DNAH14: variants seen among roughly 807,000 people sequenced by gnomAD.
DNAH14 encodes axonemal beta dynein heavy chain 14.
In DNAH14, 478 loss-of-function variants were observed where a neutral mutation model predicts 520.9. That is an observed-to-expected ratio of 0.92 (90% CI 0.85 to 0.99). The LOEUF (loss-of-function observed/expected upper bound fraction) is 0.99. DNAH14 is among the 50% of genes least tolerant of loss of function. The pLI is 0.00. For missense variants in DNAH14, 4,831 were observed against 5,234.5 expected (o/e 0.92, Z 2.38); for synonymous variants, 1,581 against 1,757.2 (o/e 0.90, Z 2.51).
intron 35 of DNAH14, among the ~76,000 whole-genome samples, chr1:225,162,994 G>T (rs1042153649): frequency 1.3e-5 from 2 of 151,542 alleles, no homozygotes; most frequent in African/African-American, 2.4e-5. Context: ...AAAAATTAGC[G>T]GGGCGTGGTG....
chr1:224,937,689 G>GA (rs1405520021), intron 1 of DNAH14, among the ~76,000 whole-genome samples: 1 of 151,984 alleles, frequency 6.6e-6, no homozygotes, highest in Admixed American at 6.6e-5. Flanking sequence ...CACAGAAATA[G>GA]AAAAAACACT....
In DNAH14 at chr1:225,206,001, G is replaced by A; in HGVS notation, c.6008G>A (p.Gly2003Asp). Reference sequence around the variant, plus strand: ...GATTGGCAGTGGATTATCCTAGATGGCCCAGTGGACACCTTTTGGGTAGAA... The same window carrying A: ...GATTGGCAGTGGATTATCCTAGATGACCCAGTGGACACCTTTTGGGTAGAA... Reference protein sequence around the residue: ...NFDWQWIILDGPVDTFWVENL... With the variant: ...NFDWQWIILDDPVDTFWVENL... The change falls in exon 40 of 86, where the codon GGC (glycine) becomes GAC (aspartate). Residue 2003 changes from glycine (G) to aspartate (D), a missense_variant. Physicochemically the swap from Gly to Asp is moderately conservative, Grantham distance 94. Coordinates refer to ENST00000682510, the MANE Select transcript of DNAH14 (RefSeq NM_001367479.1). 2 of 1,551,534 alleles carry A rather than the reference G, an allele frequency of 1.3e-6. No homozygotes were observed. Among genetic ancestry groups the A allele is most frequent in the Non-Finnish European group, 1.7e-6 (2 of 1,146,806 alleles).
At chr1:225,192,289 T>G (rs1441796549) in intron 37 of DNAH14, among the ~76,000 whole-genome samples, 1 of 152,116 alleles carries the variant, frequency 6.6e-6, no homozygotes, top group South Asian at 2.1e-4. Flanking sequence ...GACCAGATAT[T>G]CTGGCAAGAC....
chr1:225,003,175 C>T (rs1181156471), intron 9 of DNAH14, among the ~76,000 whole-genome samples: 4 of 151,878 alleles, frequency 2.6e-5, no homozygotes, highest in African/African-American at 9.7e-5. Context: ...AAATGTATTT[C>T]CGAATGTGTA....
At chr1:225,327,669 A>G (rs12070789) in intron 64 of DNAH14, among the ~76,000 whole-genome samples, 26 of 152,188 alleles carry the variant, frequency 1.7e-4, no homozygotes, top group African/African-American at 5.5e-4. Flanking sequence ...GAACTAAACA[A>G]CAAAGAACGA....
At chr1:225,303,886 A>G (rs1227246600) in intron 57 of DNAH14, among the ~76,000 whole-genome samples, 2 of 152,202 alleles carry the variant, frequency 1.3e-5, no homozygotes, top group African/African-American at 2.4e-5. Context: ...CTGTAAATGC[A>G]TAGAGAACTG....
chr1:225,353,558 C>T (rs1286980346), intron 72 of DNAH14, among the ~76,000 whole-genome samples: 1 of 152,068 alleles, frequency 6.6e-6, no homozygotes, highest in Non-Finnish European at 1.5e-5. Flanking sequence ...TATTACTATT[C>T]ATTCACCACT....
At chr1:224,929,656 G>A (rs2058543362), upstream of DNAH14, 1 of 702,344 alleles carries the variant, frequency 1.4e-6, no homozygotes, top group African/African-American at 1.7e-5. Flanking sequence ...TCTTCGCCAG[G>A]GCGCAGGCGT....
At chr1:224,945,192 CTTT>C (rs1182843777) in intron 1 of DNAH14, among the ~76,000 whole-genome samples, 1 of 152,066 alleles carries the variant, frequency 6.6e-6, no homozygotes, top group Non-Finnish European at 1.5e-5. Context: ...TTGTTCATTT[CTTT>C]TTATTTTTTT....
At position 225,340,701 on chromosome 1, in the gene DNAH14, G is replaced by C. The variant is rs1256276800; in HGVS notation, c.10678G>C (p.Gly3560Arg). 6.5e-7 allele frequency: 1 copy of C among 1,550,332 alleles called. No homozygotes were observed. The highest frequency in any genetic ancestry group is 1.4e-5 in the African/African-American group (1 of 72,958). Residue 3560 changes from glycine to arginine, a missense_variant and splice_region_variant, in exon 69 of 86, where the codon GGA (glycine) becomes CGA (arginine). Gly to Arg is a moderately radical substitution (Grantham distance 125). Transcript: ENST00000682510. Reference protein sequence around the residue: ...KTLNLLQKALGSILDDDKIVD... With the variant: ...KTLNLLQKALRSILDDDKIVD... The stretch of plus-strand genomic sequence containing the variant: ...ATTAAATTTACTGCAGAAAGCACTA[G>C]GTAAGTCAAGATATTTAGTGATAGT...
chr1:225,052,460 G>T (rs2068630587), intron 17 of DNAH14, among the ~76,000 whole-genome samples: 1 of 152,030 alleles, frequency 6.6e-6, no homozygotes, highest in Admixed American at 6.6e-5. Flanking sequence ...CCTGTTTAAG[G>T]GTACGAACTT....
chr1:224,962,204 C>G (rs1329003081), intron 4 of DNAH14, among the ~76,000 whole-genome samples: 2 of 152,110 alleles, frequency 1.3e-5, no homozygotes, highest in Admixed American at 6.6e-5. Context: ...ATTGCCTCCC[C>G]CTAAGTGGAA....
intron 38 of DNAH14, among the ~76,000 whole-genome samples, chr1:225,194,675 C>A (rs1351491628): frequency 1.3e-5 from 2 of 151,788 alleles, no homozygotes. Flanking sequence ...ATAATTGGGA[C>A]CTAATTAAAG....
chr1:225,218,539 C>A (rs1390411025), intron 41 of DNAH14, among the ~76,000 whole-genome samples: 4 of 149,694 alleles, frequency 2.7e-5, no homozygotes, highest in African/African-American at 4.9e-5. Context: ...AGACTTTTAA[C>A]CAACAAAGCT....
intron 7 of DNAH14, chr1:224,969,636 A>T (rs772760845): frequency 2.2e-5 from 6 of 266,760 alleles, no homozygotes; most frequent in Non-Finnish European, 4.1e-5. Flanking sequence ...TGTTGCAGGA[A>T]GTCAGGGACC....
At chr1:225,172,195 A>C (rs1393788080) in intron 36 of DNAH14, among the ~76,000 whole-genome samples, 1 of 152,134 alleles carries the variant, frequency 6.6e-6, no homozygotes, top group Non-Finnish European at 1.5e-5. Flanking sequence ...CCCTTTGAAA[A>C]CTGGCACAAG....
chr1:224,962,006 A>AT (rs1189717043), intron 4 of DNAH14, among the ~76,000 whole-genome samples: 1 of 152,134 alleles, frequency 6.6e-6, no homozygotes, highest in African/African-American at 2.4e-5. Flanking sequence ...CCTAAGTGGC[A>AT]TTTTGTTTAG....
intron 17 of DNAH14, among the ~76,000 whole-genome samples, chr1:225,067,946 G>A (rs2071091402): frequency 6.6e-6 from 1 of 152,012 alleles, no homozygotes; most frequent in African/African-American, 2.4e-5. Flanking sequence ...AAGCTCTTTA[G>A]TTTAATTAGA....
At position 224,974,085 on chromosome 1, in the gene DNAH14, T is replaced by A; in HGVS notation, c.768-6T>A. Reference sequence around the variant, plus strand: ...TATGGAATATAAGAAGCATTTTTCCTTTCAGAATGAATAAAGCATTTGTTA... The same window carrying A: ...TATGGAATATAAGAAGCATTTTTCCATTCAGAATGAATAAAGCATTTGTTA... On this transcript the variant is annotated splice_polypyrimidine_tract_variant and splice_region_variant and intron_variant, in intron 7 of 85. Transcript: ENST00000682510. 1 of 1,493,516 alleles carries A rather than the reference T, an allele frequency of 6.7e-7. No homozygotes were observed. Among genetic ancestry groups the A allele is most frequent in the Middle Eastern group, 1.7e-4 (1 of 5,728 alleles). 92.5% of individuals were successfully genotyped at this position (1,493,516 alleles called of 1,614,324 possible).
Sources: gnomAD v4.1 joint callset for allele counts (sites outside exome capture counted in the v4.1 genomes callset) on GRCh38, gnomAD v4.1.1 for gene constraint, MANE v1.5 for transcripts, NCBI Gene and HGNC (gene_info 2026-07-23, HGNC 2026-07-21) for gene names.